The following PRSS55 variants were observed in gnomAD, a reference collection of about 807,000 sequenced individuals.
PRSS55 encodes serine protease 55, also known as probable serine protease UNQ9391/PRO34284.
In PRSS55, 41 loss-of-function variants were observed where a neutral mutation model predicts 23.6. That is an observed-to-expected ratio of 1.74 (90% CI 1.35 to 2.26). The LOEUF (loss-of-function observed/expected upper bound fraction) is 2.26, where lower values mean the gene tolerates loss of function less well. Ranked by LOEUF, PRSS55 falls within the 30% of genes most tolerant of loss-of-function variation. The pLI is 0.00. For missense variants in PRSS55, 669 were observed against 439.1 expected (o/e 1.52, Z -4.68); for synonymous variants, 262 against 175.5 (o/e 1.49, Z -3.90).
chr8:10,549,956 A>G (rs1309709752), intron 4 of PRSS55, among the ~76,000 whole-genome samples: 2 of 152,150 alleles, frequency 1.3e-5, no homozygotes, highest in African/African-American at 4.8e-5. Context: ...GTCTCAGTCT[A>G]TTGCTCAGGC....
At chr8:10,537,360 AATAAGCC>A in intron 4 of PRSS55, among the ~76,000 whole-genome samples, 1 of 152,352 alleles carries the variant, frequency 6.6e-6, no homozygotes, top group Non-Finnish European at 1.5e-5. Flanking sequence ...CATTAAGTAA[AATAAGCC>A]AGGTACAGAA....
intron 4 of PRSS55, chr8:10,547,489 G>C (rs985524650): frequency 1.3e-5 from 2 of 152,746 alleles, no homozygotes; most frequent in African/African-American, 4.8e-5. Flanking sequence ...GAATGTGCGA[G>C]ATTCCAGGGC....
intron 4 of PRSS55, 52 bp downstream of exon 4, chr8:10,533,100 T>C (rs1187887959): frequency 6.3e-7 from 1 of 1,589,310 alleles, no homozygotes; most frequent in East Asian, 2.2e-5. Flanking sequence ...CTCTGGGAAC[T>C]GCCAGTGCAA....
At chr8:10,531,655 C>A in intron 3 of PRSS55, 110 bp downstream of exon 3, 1 of 1,460,954 alleles carries the variant, frequency 6.8e-7, no homozygotes. Context: ...CAGATTCCCG[C>A]TCAGTGGAGT....
chr8:10,528,181 A>G (rs1269477885), intron 1 of PRSS55, among the ~76,000 whole-genome samples: 2 of 149,890 alleles, frequency 1.3e-5, no homozygotes, highest in African/African-American at 4.9e-5. Context: ...CCTGGGCGAT[A>G]GAGCAAGACT....
chr8:10,549,832 T>C (rs919525037), intron 4 of PRSS55, among the ~76,000 whole-genome samples: 3 of 152,212 alleles, frequency 2.0e-5, no homozygotes, highest in Non-Finnish European at 4.4e-5. Flanking sequence ...TGCAAGGTGG[T>C]GGTAAGGCCC....
intron 4 of PRSS55, among the ~76,000 whole-genome samples, chr8:10,546,496 G>C (rs1341177981): frequency 6.6e-6 from 1 of 152,086 alleles, no homozygotes. Flanking sequence ...GCAGTAACAA[G>C]GCATCCAGCA....
Position 10,538,512 on chromosome 8 carries a change from C to G in PRSS55, c.778C>G (p.Pro260Ala), listed in dbSNP as rs200500250. The G allele has an allele frequency of 1.3e-4, 214 of 1,613,878 alleles. No homozygotes were observed. Among genetic ancestry groups the G allele is most frequent in the Middle Eastern group, 1.7e-4 (1 of 6,002 alleles). The change falls in exon 5 of 5, where the codon CCT becomes GCT. Residue 260 changes from proline (P) to alanine (A), a missense_variant. Coordinates refer to ENST00000328655, the MANE Select transcript of PRSS55 (RefSeq NM_198464.4). ...SGGPLVCTPE[P>A]GEKWYQVGII... ...GGGGCCTCTGGTCTGCACCCCAGAG[C>G]CTGGTGAGAAGTGGTACCAGGTGGG...
At chr8:10,552,391 G>T (rs747637371) in intron 4 of PRSS55, among the ~76,000 whole-genome samples, 60 of 152,120 alleles carry the variant, frequency 3.9e-4, no homozygotes, top group Admixed American at 7.9e-4. Flanking sequence ...GACCCCAAAA[G>T]CACAGACAGC....
chr8:10,543,325 G>C (rs562586131), downstream of PRSS55, among the ~76,000 whole-genome samples: 1 of 152,144 alleles, frequency 6.6e-6, no homozygotes, highest in African/African-American at 2.4e-5. Flanking sequence ...TGAAGTCAAA[G>C]CATGAAGACA....
chr8:10,535,426 C>T (rs1812420451), intron 4 of PRSS55, among the ~76,000 whole-genome samples: 1 of 152,142 alleles, frequency 6.6e-6, no homozygotes, highest in Non-Finnish European at 1.5e-5. Context: ...CACCTACAAC[C>T]ATCTGATCTT....
intron 4 of PRSS55, among the ~76,000 whole-genome samples, chr8:10,551,797 T>C (rs564507769): frequency 6.6e-6 from 1 of 152,340 alleles, no homozygotes; most frequent in South Asian, 2.1e-4. Context: ...CTCTCCTGTG[T>C]CAAGCCCCGT....
chr8:10,539,695 G>A (rs10112326), downstream of PRSS55, among the ~76,000 whole-genome samples: 2,235 of 152,148 alleles, frequency 0.015, 60 homozygotes, highest in African/African-American at 0.051. Context: ...TTCCCTTTTC[G>A]CTTGGCCCTT....
At chr8:10,543,476 CTCT>C (rs1812726177), downstream of PRSS55, among the ~76,000 whole-genome samples, 2 of 28,128 alleles carry the variant, frequency 7.1e-5, no homozygotes, top group Non-Finnish European at 2.3e-4. Flanking sequence ...TTCTTTCTTT[CTCT>C]CTTTTTTTTT....
chr8:10,536,534 A>G (rs980207119), intron 4 of PRSS55, among the ~76,000 whole-genome samples: 1 of 152,302 alleles, frequency 6.6e-6, no homozygotes, highest in Middle Eastern at 3.4e-3. Context: ...AAAGGAATAT[A>G]AATTATTCTA....
intron 4 of PRSS55, chr8:10,544,921 A>G: frequency 2.9e-6 from 2 of 682,698 alleles, no homozygotes; most frequent in Non-Finnish European, 3.6e-6. Flanking sequence ...TTTTAAGAGA[A>G]GAAAGGAGAT....
downstream of PRSS55, among the ~76,000 whole-genome samples, chr8:10,539,568 T>A (rs1812584438): frequency 1.3e-5 from 2 of 152,250 alleles, no homozygotes; most frequent in Admixed American, 6.5e-5. Flanking sequence ...GCTCCCATAA[T>A]TCCCACGTGT....
intron 1 of PRSS55, among the ~76,000 whole-genome samples, chr8:10,527,227 T>C (rs1585863523): frequency 6.6e-6 from 1 of 152,370 alleles, no homozygotes; most frequent in Non-Finnish European, 1.5e-5. Flanking sequence ...AAGTAGTTGA[T>C]GATATGGATG....
intron 3 of PRSS55, among the ~76,000 whole-genome samples, chr8:10,532,298 C>T (rs1457423146): frequency 1.3e-5 from 2 of 152,066 alleles, no homozygotes; most frequent in Non-Finnish European, 2.9e-5. Context: ...GGCACATGGG[C>T]ATGCACAAGT....
Sources: gnomAD v4.1 joint callset for allele counts (sites outside exome capture counted in the v4.1 genomes callset) on GRCh38, gnomAD v4.1.1 for gene constraint, MANE v1.5 for transcripts, NCBI Gene and HGNC (gene_info 2026-07-23, HGNC 2026-07-21) for gene names.